The following SRGAP1 variants were observed in gnomAD, a reference collection of about 807,000 sequenced individuals.
SRGAP1 encodes the protein SLIT-ROBO Rho GTPase-activating protein 1.
SRGAP1 carries 43 observed loss-of-function variants against 121.9 expected under a neutral mutation model. The observed-to-expected ratio is 0.35, with a 90% CI of 0.28 to 0.46. The LOEUF (loss-of-function observed/expected upper bound fraction) is 0.46. Among genes scored for constraint, SRGAP1 ranks in the 20% least tolerant of loss-of-function variants. The pLI is 1.00. For missense variants in SRGAP1, 1,102 were observed against 1,350.9 expected, an observed-to-expected ratio of 0.82 and a Z score of 2.89; for synonymous variants, 447 against 485.4, an observed-to-expected ratio of 0.92 and a Z score of 1.04.
intron 2 of SRGAP1, among the ~76,000 whole-genome samples, chr12:63,988,397 C>G (rs1000818369): frequency 6.6e-6 from 1 of 152,160 alleles, no homozygotes; most frequent in Non-Finnish European, 1.5e-5. Flanking sequence ...AACCACTGCT[C>G]TTTGCCTGAT....
intron 11 of SRGAP1, among the ~76,000 whole-genome samples, chr12:64,090,140 A>C (rs2036022572): frequency 1.3e-5 from 2 of 152,196 alleles, no homozygotes; most frequent in Admixed American, 1.3e-4. Flanking sequence ...GCACAGTAGT[A>C]GAAGTTGAGT....
At chr12:64,032,644 G>T in intron 4 of SRGAP1, 2 of 336,368 alleles carry the variant, frequency 5.9e-6, no homozygotes, top group African/African-American at 2.2e-5. Context: ...TCTGGATGAC[G>T]TGATTTCCTA....
intron 1 of SRGAP1, among the ~76,000 whole-genome samples, chr12:63,954,683 A>AAAAAAAAAAAAAAAAAG (rs1389261361): frequency 0.012 from 1,720 of 147,520 alleles, 47 homozygotes; most frequent in African/African-American, 0.042. Flanking sequence ...ATCTCAAAAA[A>AAAAAAAAAAAAAAAAAG]AAAAAAAAAG....
At chr12:64,054,354 A>G (rs1565659008) in intron 6 of SRGAP1, among the ~76,000 whole-genome samples, 2 of 152,198 alleles carry the variant, frequency 1.3e-5, no homozygotes, top group Non-Finnish European at 2.9e-5. Flanking sequence ...ATTGCCTGCC[A>G]TCCTTTTTTA....
At chr12:63,983,829 TATATATATATATATATATATATATA>T (rs2033333899) in intron 1 of SRGAP1, 93 bp from the exon 2 acceptor site, 4 of 101,862 alleles carry the variant, frequency 3.9e-5, no homozygotes, top group African/African-American at 1.8e-4. Context: ...TATATATATA[TATATATATATATATATATATATATA>T]TTTATATATA....
At chr12:64,000,108 G>A (rs2033832342) in intron 3 of SRGAP1, among the ~76,000 whole-genome samples, 1 of 152,016 alleles carries the variant, frequency 6.6e-6, no homozygotes. Context: ...GAGCAGTCTG[G>A]GCAGAATGGC....
intron 1 of SRGAP1, among the ~76,000 whole-genome samples, chr12:63,954,932 C>T (rs2032416824): frequency 6.6e-6 from 1 of 152,174 alleles, no homozygotes; most frequent in Non-Finnish European, 1.5e-5. Flanking sequence ...TGTCAGTACA[C>T]TTCCTCCTTC....
At chr12:63,919,527 T>TATATATATATATATATATAC (rs1238483459) in intron 1 of SRGAP1, among the ~76,000 whole-genome samples, 2 of 146,430 alleles carry the variant, frequency 1.4e-5, no homozygotes, top group African/African-American at 5.3e-5. Flanking sequence ...TATATACACA[T>TATATATATATATATATATAC]ACACACACAC....
At chr12:64,063,272 T>C in intron 7 of SRGAP1, 134 bp downstream of exon 7, 1 of 810,600 alleles carries the variant, frequency 1.2e-6, no homozygotes, top group Non-Finnish European at 1.9e-6. Context: ...CTTAATATAA[T>C]GCTAAGATTA....
chr12:64,043,698 A>G, intron 6 of SRGAP1, 123 bp downstream of exon 6: 1 of 708,358 alleles, frequency 1.4e-6, no homozygotes, highest in East Asian at 3.0e-5. Flanking sequence ...CAAAAAGAAA[A>G]AAATACTTTT....
At chr12:64,140,281 A>T (rs1380114645) in intron 21 of SRGAP1, among the ~76,000 whole-genome samples, 2 of 147,566 alleles carry the variant, frequency 1.4e-5, no homozygotes, top group African/African-American at 5.2e-5. Flanking sequence ...CTGTGAAGAA[A>T]GTCATTGGTA....
intron 2 of SRGAP1, among the ~76,000 whole-genome samples, chr12:63,989,705 C>T (rs1051957319): frequency 5.3e-5 from 8 of 152,346 alleles, no homozygotes; most frequent in African/African-American, 1.7e-4. Flanking sequence ...CCTTCCAAAC[C>T]TGGACAATTG....
At position 64,152,911 on chromosome 12, in the gene SRGAP1, T is replaced by TAAAAAAAA. The variant is rs57320190; in HGVS notation, c.*10257_*10264dup. 1.1e-5 allele frequency: 1 copy of TAAAAAAAA among 89,926 alleles called. No individual in the cohort carries two copies. Among genetic ancestry groups the TAAAAAAAA allele is most frequent in the Non-Finnish European group, 2.1e-5 (1 of 47,690 alleles). The allele number at this position is 89,926 out of a possible 1,614,324, so 5.6% of individuals were successfully genotyped here. On this transcript the variant is annotated 3_prime_UTR_variant, in exon 22 of 22. Coordinates refer to ENST00000355086, the MANE Select transcript of SRGAP1 (RefSeq NM_020762.4). ...ATGGAGTGTACTTCCTGGTATGATTTAAAAAAAAAAAAAAAAAAAAAAAAA... is the reference window on the plus strand; with the variant it reads ...ATGGAGTGTACTTCCTGGTATGATTTAAAAAAAAAAAAAAAAAAAAAAAAAAAAAAAAA...
intron 6 of SRGAP1, among the ~76,000 whole-genome samples, chr12:64,055,777 C>G (rs1037803032): frequency 1.3e-5 from 2 of 152,164 alleles, no homozygotes; most frequent in Non-Finnish European, 2.9e-5. Context: ...GCTGTTCTTT[C>G]TCTTTTCTCA....
chr12:63,934,022 T>C (rs2031573468), intron 1 of SRGAP1, among the ~76,000 whole-genome samples: 1 of 152,224 alleles, frequency 6.6e-6, no homozygotes, highest in African/African-American at 2.4e-5. Context: ...AAATAACCTC[T>C]ATGCCAAAGT....
At chr12:64,085,331 G>GT (rs1267478303) in intron 10 of SRGAP1, among the ~76,000 whole-genome samples, 1 of 152,032 alleles carries the variant, frequency 6.6e-6, no homozygotes, top group African/African-American at 2.4e-5. Flanking sequence ...TTTTATTGTT[G>GT]TTACTAATAT....
chr12:64,094,839 C>T (rs1409351424), intron 12 of SRGAP1, 93 bp from the exon 13 acceptor site: 1 of 1,224,778 alleles, frequency 8.2e-7, no homozygotes, highest in African/African-American at 1.5e-5. Context: ...CTGCAAAAAT[C>T]CCTCTTTAAT....
At chr12:64,025,840 G>C (rs963809981) in intron 4 of SRGAP1, among the ~76,000 whole-genome samples, 1 of 152,160 alleles carries the variant, frequency 6.6e-6, no homozygotes, top group African/African-American at 2.4e-5. Flanking sequence ...TTGGAGACTA[G>C]ATTAGCTAAT....
chr12:63,907,683 T>G (rs1303056196), intron 1 of SRGAP1, among the ~76,000 whole-genome samples: 3 of 152,254 alleles, frequency 2.0e-5, no homozygotes, highest in African/African-American at 7.2e-5. Context: ...TGTTGTCTTT[T>G]TGCTCTCTTG....
Sources: allele counts gnomAD v4.1 joint callset (sites outside exome capture counted in the v4.1 genomes callset), GRCh38; gene constraint gnomAD v4.1.1; transcripts MANE v1.5; gene names NCBI Gene and HGNC (gene_info 2026-07-23, HGNC 2026-07-21).